ABTB3: variants seen among roughly 807,000 people sequenced by gnomAD.
The protein encoded by ABTB3 is ankyrin repeat and BTB domain containing 3, also known as ankyrin repeat- and BTB/POZ domain-containing protein 3.
the ABTB3 span, among the ~76,000 whole-genome samples, chr12:107,407,468 G>A: frequency 6.6e-6 from 1 of 152,332 alleles, no homozygotes; most frequent in African/African-American, 2.4e-5. Context: ...TTTGGGCTCA[G>A]ATCTGCTCCA....
At chr12:107,537,537 A>AT in the ABTB3 span, among the ~76,000 whole-genome samples, 516 of 152,278 alleles carry the variant, frequency 3.4e-3, 2 homozygotes, top group South Asian at 0.022. Context: ...GGAAAAAAAA[A>AT]GAAATAGAAT....
chr12:107,360,993 A>G, the ABTB3 span, among the ~76,000 whole-genome samples: 1 of 126,556 alleles, frequency 7.9e-6, no homozygotes, highest in African/African-American at 3.1e-5. Context: ...GCTGGTGTCA[A>G]ACCCCTGGGC....
the ABTB3 span, among the ~76,000 whole-genome samples, chr12:107,430,007 C>A: frequency 6.6e-6 from 1 of 152,214 alleles, no homozygotes; most frequent in Non-Finnish European, 1.5e-5. Context: ...CCAAGATAAT[C>A]ACCTTTGGTA....
chr12:107,333,975 G>T, the ABTB3 span, among the ~76,000 whole-genome samples: 4 of 152,184 alleles, frequency 2.6e-5, no homozygotes, highest in African/African-American at 9.7e-5. Flanking sequence ...GTTGGTATCT[G>T]GGAGAAAACT....
the ABTB3 span, among the ~76,000 whole-genome samples, chr12:107,438,239 G>C: frequency 6.6e-6 from 1 of 152,126 alleles, no homozygotes; most frequent in Non-Finnish European, 1.5e-5. Context: ...GGACTGAGTG[G>C]GGAGGGGGTT....
the ABTB3 span, chr12:107,619,943 C>G: frequency 3.9e-6 from 6 of 1,527,756 alleles, no homozygotes; most frequent in Non-Finnish European, 4.4e-6. Context: ...CCCTCTCTCT[C>G]CCCCTCCCCT....
chr12:107,319,803 G>T, the ABTB3 span: 2 of 1,391,844 alleles, frequency 1.4e-6, no homozygotes, highest in Non-Finnish European at 9.4e-7. Flanking sequence ...GATAAAGAGC[G>T]GGAGGCGCCC....
the ABTB3 span, among the ~76,000 whole-genome samples, chr12:107,513,657 T>A: frequency 1.3e-5 from 2 of 152,104 alleles, no homozygotes; most frequent in Non-Finnish European, 2.9e-5. Flanking sequence ...TGGACTAATA[T>A]AGCATCCCTG....
chr12:107,509,898 A>C, the ABTB3 span, among the ~76,000 whole-genome samples: 3 of 152,194 alleles, frequency 2.0e-5, no homozygotes, highest in South Asian at 6.2e-4. Context: ...TGAATTCCTA[A>C]ATCTTTAGTT....
At chr12:107,450,135 T>C in the ABTB3 span, among the ~76,000 whole-genome samples, 1 of 152,158 alleles carries the variant, frequency 6.6e-6, no homozygotes, top group African/African-American at 2.4e-5. Flanking sequence ...AGGAAATGAT[T>C]TGAGGCATTT....
chr12:107,330,129 G>A, the ABTB3 span, among the ~76,000 whole-genome samples: 2 of 152,210 alleles, frequency 1.3e-5, no homozygotes, highest in Admixed American at 1.3e-4. Flanking sequence ...TGGCAGGGGA[G>A]AGCATGGGGG....
the ABTB3 span, among the ~76,000 whole-genome samples, chr12:107,453,559 G>A: frequency 6.6e-6 from 1 of 152,198 alleles, no homozygotes; most frequent in South Asian, 2.1e-4. Flanking sequence ...GGACTTCCCA[G>A]CCTCCAGAAC....
At chr12:107,423,115 A>G in the ABTB3 span, among the ~76,000 whole-genome samples, 3 of 152,326 alleles carry the variant, frequency 2.0e-5, no homozygotes, top group East Asian at 3.9e-4. Flanking sequence ...GTGGCAGAGA[A>G]GTGTCCCTTC....
chr12:107,579,019 A>C, the ABTB3 span, among the ~76,000 whole-genome samples: 7 of 152,282 alleles, frequency 4.6e-5, no homozygotes, highest in African/African-American at 1.7e-4. Flanking sequence ...TTTACATTCT[A>C]ATGGGGCATT....
chr12:107,535,192 G>A, the ABTB3 span, among the ~76,000 whole-genome samples: 22 of 152,172 alleles, frequency 1.4e-4, no homozygotes, highest in Admixed American at 2.6e-4. Context: ...CAAAAACCAC[G>A]TGAGTATCTC....
At chr12:107,521,675 C>A in the ABTB3 span, among the ~76,000 whole-genome samples, 1 of 150,538 alleles carries the variant, frequency 6.6e-6, no homozygotes, top group Non-Finnish European at 1.5e-5. Context: ...CTTCCATGTC[C>A]CCCCACCCCC....
chr12:107,567,202 A>G, the ABTB3 span, among the ~76,000 whole-genome samples: 1 of 152,274 alleles, frequency 6.6e-6, no homozygotes, highest in Non-Finnish European at 1.5e-5. Context: ...CCTTCTGAGT[A>G]ACATGGTGAC....
the ABTB3 span, among the ~76,000 whole-genome samples, chr12:107,417,835 A>G: frequency 1.1e-4 from 17 of 152,216 alleles, no homozygotes; most frequent in Admixed American, 1.1e-3. Context: ...TGTGCATCTG[A>G]GGTCTACCCA....
chr12:107,355,821 T>G, the ABTB3 span, among the ~76,000 whole-genome samples: 3 of 152,202 alleles, frequency 2.0e-5, no homozygotes, highest in African/African-American at 7.2e-5. Context: ...TTTAAACAAA[T>G]TATTTAACCA....
Sources: gnomAD v4.1 joint callset for allele counts (sites outside exome capture counted in the v4.1 genomes callset) on GRCh38, gnomAD v4.1.1 for gene constraint, MANE v1.5 for transcripts, NCBI Gene and HGNC (gene_info 2026-07-23, HGNC 2026-07-21) for gene names.